RALB: variants seen among roughly 807,000 people sequenced by gnomAD.
RALB encodes RAS like proto-oncogene B.
A neutral mutation model predicts 21.3 loss-of-function variants in RALB; 16 were observed. The observed-to-expected ratio is 0.75, with a 90% CI of 0.51 to 1.14. The LOEUF is 1.14. RALB is among the 50% of genes most tolerant of loss of function. The pLI, the probability that RALB is intolerant of heterozygous loss-of-function variation, is 0.00. For missense variants in RALB, 161 were observed against 256.2 expected (o/e 0.63, Z 2.54); for synonymous variants, 93 against 96.1 (o/e 0.97, Z 0.19).
chr2:120,250,045 T>C (rs1348412050), upstream of RALB, among the ~76,000 whole-genome samples: 2 of 152,240 alleles, frequency 1.3e-5, no homozygotes, highest in African/African-American at 4.8e-5. Flanking sequence ...AGCTTAAATG[T>C]CACTTCCCAA....
intron 4 of RALB, among the ~76,000 whole-genome samples, chr2:120,291,927 A>G (rs1690314251): frequency 6.6e-6 from 1 of 152,140 alleles, no homozygotes; most frequent in Admixed American, 6.5e-5. Context: ...AGGTGTGGCC[A>G]TGAAGGAGCT....
chr2:120,266,313 C>T (rs189114172), intron 1 of RALB, among the ~76,000 whole-genome samples: 8 of 152,294 alleles, frequency 5.3e-5, no homozygotes, highest in South Asian at 2.1e-4. Flanking sequence ...GGCGCGATCT[C>T]GGCTCACTGC....
intron 4 of RALB, among the ~76,000 whole-genome samples, chr2:120,291,221 G>A (rs1001561041): frequency 2.0e-5 from 3 of 152,134 alleles, no homozygotes; most frequent in Non-Finnish European, 4.4e-5. Context: ...ATACATATAG[G>A]ATAGATATAC....
In RALB at chr2:120,261,769, C is replaced by T. The variant is rs1268810626; in HGVS notation, c.-48+8789C>T. The stretch of plus-strand genomic sequence containing the variant: ...AGCTGGTGAAGGGAGGCAGTGCAGC[C>T]CAGAGGGTCTTGTTATGCAGAGAGA... On this transcript the variant is annotated intron_variant, in intron 1 of 4. Coordinates refer to ENST00000272519, the MANE Select transcript of RALB (RefSeq NM_002881.3). Among the ~76,000 whole-genome samples the T allele has an allele frequency of 2.0e-5, 3 of 152,106 alleles. No individual in the cohort carries two copies. The East Asian group carries it at 5.8e-4, about 29-fold the overall frequency.
intron 1 of RALB, among the ~76,000 whole-genome samples, chr2:120,270,618 T>G (rs1332834317): frequency 6.8e-6 from 1 of 146,166 alleles, no homozygotes; most frequent in Non-Finnish European, 1.5e-5. Flanking sequence ...TTAAAATCGG[T>G]TAGTTTTTGT....
At chr2:120,260,437 G>A (rs1054597669) in intron 1 of RALB, among the ~76,000 whole-genome samples, 71 of 152,376 alleles carry the variant, frequency 4.7e-4, no homozygotes, top group Admixed American at 1.2e-3. Flanking sequence ...CAGTGGGCAG[G>A]GGCAGCAGCA....
chr2:120,288,527 A>C (rs1018209239), intron 3 of RALB, among the ~76,000 whole-genome samples: 1 of 151,942 alleles, frequency 6.6e-6, no homozygotes, highest in Non-Finnish European at 1.5e-5. Flanking sequence ...ACCATATAAA[A>C]ATCAATACAG....
At chr2:120,293,025 AATT>A (rs763998272) in intron 4 of RALB, 113 bp from the exon 5 acceptor site, 409 of 1,118,246 alleles carry the variant, frequency 3.7e-4, no homozygotes, top group South Asian at 9.9e-4. Flanking sequence ...TGCTTAGTCA[AATT>A]ATTTCATTGA....
At chr2:120,267,803 T>A (rs997688477) in intron 1 of RALB, among the ~76,000 whole-genome samples, 36 of 152,136 alleles carry the variant, frequency 2.4e-4, no homozygotes, top group African/African-American at 4.8e-4. Context: ...ATATATATAT[T>A]TTTTTCCAGA....
intron 1 of RALB, among the ~76,000 whole-genome samples, chr2:120,272,524 G>T (rs1573340884): frequency 6.6e-6 from 1 of 152,222 alleles, no homozygotes; most frequent in East Asian, 1.9e-4. Context: ...TCCAGGCAGT[G>T]AGTGTATGGA....
At chr2:120,248,906 G>A (rs1042903523), upstream of RALB, among the ~76,000 whole-genome samples, 3 of 152,130 alleles carry the variant, frequency 2.0e-5, no homozygotes, top group Non-Finnish European at 4.4e-5. Context: ...CTGACCCCAG[G>A]AGATTCACCC....
intron 3 of RALB, among the ~76,000 whole-genome samples, chr2:120,286,969 C>T (rs1205283346): frequency 1.3e-5 from 1 of 78,590 alleles, no homozygotes; most frequent in Non-Finnish European, 2.8e-5. Flanking sequence ...CTCTTTACCC[C>T]ATGCCCTTCC....
chr2:120,283,544 A>G (rs940437437), intron 2 of RALB, among the ~76,000 whole-genome samples: 1 of 152,168 alleles, frequency 6.6e-6, no homozygotes, highest in South Asian at 2.1e-4. Context: ...CTAAGTTCTG[A>G]CTTTGAGAAA....
At chr2:120,253,063 G>C (rs1281674736) in intron 1 of RALB, 83 bp downstream of exon 1, 6 of 876,558 alleles carry the variant, frequency 6.8e-6, no homozygotes, top group Non-Finnish European at 8.2e-6. Context: ...GCAGCCTCTT[G>C]CTCCCTCCGT....
chr2:120,291,747 T>A (rs1482326004), intron 4 of RALB, among the ~76,000 whole-genome samples: 1 of 152,206 alleles, frequency 6.6e-6, no homozygotes, highest in African/African-American at 2.4e-5. Flanking sequence ...CTGTTCACTG[T>A]TGCTGTCTTG....
chr2:120,252,748 C>T (rs912568944), upstream of RALB: 11 of 981,464 alleles, frequency 1.1e-5, no homozygotes, highest in South Asian at 3.3e-4. Flanking sequence ...CTGACAGCCC[C>T]CCGACGGGCG....
intron 1 of RALB, among the ~76,000 whole-genome samples, chr2:120,245,336 C>A (rs1425340080): frequency 6.6e-6 from 1 of 152,226 alleles, no homozygotes; most frequent in African/African-American, 2.4e-5. Context: ...GAACTCTCAA[C>A]CTGATAGGCC....
chr2:120,292,096 GGGCAAAACC>G (rs1294518985), intron 4 of RALB, among the ~76,000 whole-genome samples: 1 of 152,154 alleles, frequency 6.6e-6, no homozygotes, highest in Non-Finnish European at 1.5e-5. Context: ...TGGTAGCAGA[GGGCAAAACC>G]CAAACTACTG....
intron 1 of RALB, among the ~76,000 whole-genome samples, chr2:120,243,107 G>A (rs1353124371): frequency 1.3e-5 from 2 of 152,188 alleles, no homozygotes; most frequent in Admixed American, 6.5e-5. Context: ...GGCTTTCACT[G>A]GTCTTTATGT....
Sources: allele counts gnomAD v4.1 joint callset (sites outside exome capture counted in the v4.1 genomes callset), GRCh38; gene constraint gnomAD v4.1.1; transcripts MANE v1.5; gene names NCBI Gene and HGNC (gene_info 2026-07-23, HGNC 2026-07-21).